UTRN: variants seen among roughly 807,000 people sequenced by gnomAD.
The protein encoded by UTRN is dystrophin-related protein 1.
UTRN carries 283 observed loss-of-function variants against 463.9 expected under a neutral mutation model. That is an observed-to-expected ratio of 0.61 (90% CI 0.55 to 0.67). The LOEUF (loss-of-function observed/expected upper bound fraction) is 0.67, where lower values mean the gene tolerates loss of function less well. Among genes scored for constraint, UTRN ranks in the 30% least tolerant of loss-of-function variants. The pLI is 0.00. For synonymous variants in UTRN, 1,442 were observed against 1,431.5 expected (o/e 1.01, Z -0.17); for missense variants, 3,922 against 4,084.3 (o/e 0.96, Z 1.08).
At chr6:144,459,528 T>G (rs1789198849) in intron 21 of UTRN, among the ~76,000 whole-genome samples, 174 bp downstream of exon 21, 1 of 152,214 alleles carries the variant, frequency 6.6e-6, no homozygotes. Context: ...TTTTCCAGAT[T>G]CACACCTTTT....
intron 51 of UTRN, among the ~76,000 whole-genome samples, chr6:144,620,883 T>G (rs1223537097): frequency 6.6e-6 from 1 of 152,198 alleles, no homozygotes; most frequent in Non-Finnish European, 1.5e-5. Flanking sequence ...CCTGAAGATA[T>G]CTGGGATTCC....
intron 58 of UTRN, among the ~76,000 whole-genome samples, chr6:144,767,751 TA>T (rs1793518640): frequency 6.6e-6 from 1 of 152,160 alleles, no homozygotes; most frequent in Non-Finnish European, 1.5e-5. Context: ...AAAGAAGAAA[TA>T]TTTTTTTCTT....
chr6:144,599,582 T>C (rs922474070), intron 51 of UTRN, among the ~76,000 whole-genome samples: 1 of 152,204 alleles, frequency 6.6e-6, no homozygotes, highest in East Asian at 1.9e-4. Context: ...AAATCACTTA[T>C]AATTTTGTTT....
At chr6:144,437,383 C>T (rs1425223300) in intron 10 of UTRN, among the ~76,000 whole-genome samples, 182 bp from the exon 11 acceptor site, 2 of 152,136 alleles carry the variant, frequency 1.3e-5, no homozygotes, top group Non-Finnish European at 1.5e-5. Flanking sequence ...TAACTTATGG[C>T]AGGTGTTTAT....
At chr6:144,699,164 G>C (rs182156701) in intron 52 of UTRN, among the ~76,000 whole-genome samples, 2 of 152,216 alleles carry the variant, frequency 1.3e-5, no homozygotes, top group Admixed American at 6.5e-5. Context: ...TCAAGACCAG[G>C]CGCGGTGGCT....
rs1225059018 is a variant in UTRN, at chr6:144,757,842, T to C, written c.8435-87T>C. On this transcript the variant is annotated intron_variant, in intron 57 of 74. Coordinates refer to ENST00000367545, the MANE Select transcript of UTRN (RefSeq NM_007124.3). ...CAGAAACCAGAGCAGTTCATTGAATTTGCTATAAAATGTTCAGTTGTTTTG... is the reference window on the plus strand; with the variant it reads ...CAGAAACCAGAGCAGTTCATTGAATCTGCTATAAAATGTTCAGTTGTTTTG... The C allele has an allele frequency of 1.2e-5, 15 of 1,230,404 alleles. No individual in the cohort carries two copies. In the East Asian group the frequency reaches 3.7e-4, roughly 30 times the overall value. 76.2% of individuals were successfully genotyped at this position (1,230,404 alleles called of 1,614,324 possible).
chr6:144,762,510 C>G (rs781269092), intron 58 of UTRN, among the ~76,000 whole-genome samples: 3 of 152,148 alleles, frequency 2.0e-5, no homozygotes, highest in African/African-American at 7.2e-5. Flanking sequence ...TCCACACTGC[C>G]GTTGTATAGG....
chr6:144,433,569 G>A (rs1291139032), intron 9 of UTRN, among the ~76,000 whole-genome samples: 2 of 148,588 alleles, frequency 1.3e-5, no homozygotes, highest in Non-Finnish European at 3.0e-5. Context: ...GGGCGGAGGG[G>A]CTCCTCCCTT....
At chr6:144,620,300 G>A (rs1775220188) in intron 51 of UTRN, among the ~76,000 whole-genome samples, 1 of 152,102 alleles carries the variant, frequency 6.6e-6, no homozygotes, top group African/African-American at 2.4e-5. Context: ...CTCCAGAGCG[G>A]GTTCCTTTAA....
intron 50 of UTRN, among the ~76,000 whole-genome samples, chr6:144,563,327 T>C (rs926822717): frequency 1.2e-4 from 18 of 152,192 alleles, no homozygotes; most frequent in Non-Finnish European, 2.1e-4. Context: ...TCAGTAATGA[T>C]GTTTATTGTC....
intron 47 of UTRN, among the ~76,000 whole-genome samples, chr6:144,550,310 A>G (rs1421946083): frequency 1.3e-5 from 2 of 152,204 alleles, no homozygotes; most frequent in African/African-American, 4.8e-5. Context: ...TGTAAAGAGG[A>G]AGGACTGGGA....
chr6:144,686,721 C>A (rs1042139331), intron 52 of UTRN, among the ~76,000 whole-genome samples: 1 of 151,858 alleles, frequency 6.6e-6, no homozygotes, highest in Non-Finnish European at 1.5e-5. Context: ...TACTACTGTT[C>A]ACTTTTGGTT....
intron 53 of UTRN, among the ~76,000 whole-genome samples, chr6:144,711,332 CA>C (rs147548513): frequency 0.013 from 1,854 of 145,656 alleles, 13 homozygotes; most frequent in African/African-American, 0.021. Context: ...AACAAACAAA[CA>C]AAAAAAAAAA....
At chr6:144,743,218 T>C (rs1441701381) in intron 54 of UTRN, among the ~76,000 whole-genome samples, 1 of 152,218 alleles carries the variant, frequency 6.6e-6, no homozygotes, top group Admixed American at 6.5e-5. Context: ...ATTCTTGACA[T>C]TGGGCTTTAA....
intron 2 of UTRN, among the ~76,000 whole-genome samples, chr6:144,321,751 T>C (rs1775666996): frequency 6.6e-6 from 1 of 150,382 alleles, no homozygotes; most frequent in East Asian, 1.9e-4. Flanking sequence ...ATTACAGGCC[T>C]GAGCCACTGT....
chr6:144,700,259 A>G lies in UTRN; in HGVS notation c.7809+16A>G, dbSNP rs772796716. On this transcript the variant is annotated intron_variant, in intron 53 of 74. Coordinates refer to ENST00000367545, the MANE Select transcript of UTRN (RefSeq NM_007124.3). ...CCATTGTAAGGTAAGTGGATAACCTATAGTGAGTCGCTTAATTCAAATTCT... is the reference window on the plus strand; with the variant it reads ...CCATTGTAAGGTAAGTGGATAACCTGTAGTGAGTCGCTTAATTCAAATTCT... 2.5e-6 allele frequency: 4 copies of G among 1,598,272 alleles called. No homozygotes were observed. In the Admixed American group the frequency reaches 6.8e-5, roughly 27 times the overall value.
At chr6:144,321,091 A>T (rs1361239239) in intron 2 of UTRN, among the ~76,000 whole-genome samples, 2 of 152,164 alleles carry the variant, frequency 1.3e-5, no homozygotes, top group Non-Finnish European at 2.9e-5. Flanking sequence ...CTTAATTTTA[A>T]CCTGAAACAC....
At chr6:144,742,727 A>G (rs938253948) in intron 54 of UTRN, among the ~76,000 whole-genome samples, 36 of 152,220 alleles carry the variant, frequency 2.4e-4, no homozygotes, top group African/African-American at 8.7e-4. Context: ...GTTGAAAGAG[A>G]TAAGGAATAT....
chr6:144,346,787 C>T (rs1374665185), intron 2 of UTRN, among the ~76,000 whole-genome samples: 1 of 152,090 alleles, frequency 6.6e-6, no homozygotes, highest in Non-Finnish European at 1.5e-5. Flanking sequence ...TGCGCCACTG[C>T]ACTTCAGCCC....
Sources: allele counts gnomAD v4.1 joint callset (sites outside exome capture counted in the v4.1 genomes callset), GRCh38; gene constraint gnomAD v4.1.1; transcripts MANE v1.5; gene names NCBI Gene and HGNC (gene_info 2026-07-23, HGNC 2026-07-21).